Variants in SLC8A3 observed in about 807,000 individuals in gnomAD.
SLC8A3 encodes solute carrier family 8 member A3.
SLC8A3 carries 37 observed loss-of-function variants against 65.4 expected under a neutral mutation model. That is an observed-to-expected ratio of 0.57 (90% CI 0.44 to 0.74). The LOEUF (loss-of-function observed/expected upper bound fraction) is 0.74, where lower values mean the gene tolerates loss of function less well. SLC8A3 is among the 30% of genes least tolerant of loss of function. SLC8A3 has a pLI of 0.00. For synonymous variants in SLC8A3, 461 were observed against 444.5 expected, an observed-to-expected ratio of 1.04 and a Z score of -0.47; for missense variants, 1,112 against 1,172.1, an observed-to-expected ratio of 0.95 and a Z score of 0.75.
In SLC8A3 at chr14:70,167,070, G is replaced by A. The variant is rs771199150; in HGVS notation, c.1353C>T (p.Gly451=). The change falls in exon 2 of 7, where the codon GGC becomes GGT. Residue 451 remains glycine (G), a synonymous_variant. Coordinates refer to ENST00000356921, the MANE Select transcript of SLC8A3 (RefSeq NM_182932.3). ...TCTCTCCTGGCTTCAGAACCACCGT[G>A]CCCTCTGTGAACTCATAGTCAGCCC... ...NAGADYEFTE[G]TVVLKPGETQ... is the part of the protein sequence containing the mutation. 1.2e-6 allele frequency: 2 copies of A among 1,613,918 alleles called. No individual in the cohort carries two copies. Among genetic ancestry groups the A allele is most frequent in the Non-Finnish European group, 1.7e-6 (2 of 1,180,008 alleles).
intron 2 of SLC8A3, among the ~76,000 whole-genome samples, chr14:70,153,312 C>A (rs17107855): frequency 0.013 from 2,007 of 152,266 alleles, 51 homozygotes; most frequent in African/African-American, 0.047. Context: ...GAACCGGGTG[C>A]TGCTCTGGTC....
At chr14:70,063,346 A>G (rs1209447884) in intron 2 of SLC8A3, among the ~76,000 whole-genome samples, 1 of 152,148 alleles carries the variant, frequency 6.6e-6, no homozygotes, top group African/African-American at 2.4e-5. Context: ...TTGATTCTCA[A>G]CTTCCTGGGA....
At chr14:70,124,111 A>G (rs557465730) in intron 2 of SLC8A3, among the ~76,000 whole-genome samples, 1 of 152,212 alleles carries the variant, frequency 6.6e-6, no homozygotes, top group African/African-American at 2.4e-5. Context: ...CCCATTTTAC[A>G]GAAGAGACCA....
intron 2 of SLC8A3, among the ~76,000 whole-genome samples, chr14:70,125,455 C>T (rs1894377932): frequency 6.6e-6 from 1 of 152,150 alleles, no homozygotes; most frequent in Non-Finnish European, 1.5e-5. Flanking sequence ...AGTTGCTTCA[C>T]TTAAGAGAAT....
intron 2 of SLC8A3, among the ~76,000 whole-genome samples, chr14:70,158,715 T>C (rs1896718921): frequency 6.6e-6 from 1 of 152,186 alleles, no homozygotes; most frequent in Non-Finnish European, 1.5e-5. Flanking sequence ...AACTTATATA[T>C]ATACACATAT....
rs74062819 is a variant in SLC8A3, at chr14:70,160,604, A to G, written c.1784+6035T>C. Among the ~76,000 whole-genome samples the G allele has an allele frequency of 9.4e-3, 1,430 of 152,192 alleles. 19 individuals carry two copies. Among genetic ancestry groups the G allele is most frequent in the African/African-American group, 0.032 (1,312 of 41,508 alleles). On this transcript the variant is annotated intron_variant, in intron 2 of 6. Transcript: ENST00000356921. Reference sequence around the variant, plus strand: ...AATTATTATTCTGGAGAGCAAACCAATGTGAGCAGACCAGGGCAGGGGCAC... The same window carrying G: ...AATTATTATTCTGGAGAGCAAACCAGTGTGAGCAGACCAGGGCAGGGGCAC...
At chr14:70,187,498 G>A (rs1883376905) in intron 1 of SLC8A3, among the ~76,000 whole-genome samples, 2 of 151,978 alleles carry the variant, frequency 1.3e-5, no homozygotes, top group Admixed American at 6.5e-5. Context: ...TTTCCCCGGA[G>A]CAAATTGCTT....
rs190930502 is a variant in SLC8A3 at position 70,051,887 on chromosome 14, A to T, written c.2013+103T>A. ...GTGGGTAAGTGATTTGTTCAGTTTCAACTTCACATATTCACTAGTGAAAGT... is the reference window on the plus strand; with the variant it reads ...GTGGGTAAGTGATTTGTTCAGTTTCTACTTCACATATTCACTAGTGAAAGT... On this transcript the variant is annotated intron_variant, in intron 4 of 6. Transcript: ENST00000356921. 3.8e-5 allele frequency: 36 copies of T among 950,080 alleles called. 1 individual carries two copies. The East Asian group carries it at 9.5e-4, about 25-fold the overall frequency. 58.9% of individuals were successfully genotyped at this position (950,080 alleles called of 1,614,324 possible).
At chr14:70,080,925 G>A (rs948001371) in intron 2 of SLC8A3, among the ~76,000 whole-genome samples, 16 of 152,170 alleles carry the variant, frequency 1.1e-4, no homozygotes, top group Non-Finnish European at 2.4e-4. Flanking sequence ...GACATAGATA[G>A]GTTGGCAACT....
At chr14:70,184,117 C>A (rs61978212) in intron 1 of SLC8A3, among the ~76,000 whole-genome samples, 31,248 of 152,044 alleles carry the variant, frequency 0.21, 3,353 homozygotes, top group Middle Eastern at 0.3. Flanking sequence ...GCGACATTGG[C>A]CCCAAATAGT....
intron 2 of SLC8A3, among the ~76,000 whole-genome samples, chr14:70,067,643 A>T (rs1889583725): frequency 6.6e-6 from 1 of 152,246 alleles, no homozygotes; most frequent in African/African-American, 2.4e-5. Context: ...CATTAGAGAC[A>T]AAAATATTTT....
intron 2 of SLC8A3, among the ~76,000 whole-genome samples, chr14:70,092,591 C>T (rs1891878954): frequency 6.6e-6 from 1 of 152,186 alleles, no homozygotes; most frequent in African/African-American, 2.4e-5. Flanking sequence ...ATGGGAGTGG[C>T]TATCTTTTTA....
At chr14:70,182,835 G>A (rs141906750) in intron 1 of SLC8A3, among the ~76,000 whole-genome samples, 1 of 152,298 alleles carries the variant, frequency 6.6e-6, no homozygotes, top group East Asian at 1.9e-4. Context: ...GAAGAAGAAA[G>A]ACACTTCAGA....
intron 2 of SLC8A3, among the ~76,000 whole-genome samples, chr14:70,138,598 G>C (rs767394988): frequency 1.6e-4 from 25 of 152,206 alleles, no homozygotes; most frequent in Non-Finnish European, 3.2e-4. Context: ...TGGACTCAGA[G>C]CTTTGCTGAC....
At chr14:70,085,160 G>A (rs1891338483) in intron 2 of SLC8A3, among the ~76,000 whole-genome samples, 1 of 152,092 alleles carries the variant, frequency 6.6e-6, no homozygotes, top group African/African-American at 2.4e-5. Context: ...AATCCATCAA[G>A]GCCAAATTCA....
rs577753030 is a variant in SLC8A3, at chr14:70,055,390, A to AT, written c.1889-3277dup. Among the ~76,000 whole-genome samples, 591 of 151,356 alleles carry AT rather than the reference A, an allele frequency of 3.9e-3. 7 individuals are homozygous for AT. Among genetic ancestry groups the AT allele is most frequent in the African/African-American group, 0.013 (549 of 41,220 alleles). ...TTCCTGGATCCCTTGGGATTAAAGT[A>AT]TTTTTTTTTCAAATCCTGTCACAAT... On this transcript the variant is annotated intron_variant, in intron 3 of 6. Transcript: ENST00000356921.
chr14:70,147,628 T>C (rs1002802554), intron 2 of SLC8A3, among the ~76,000 whole-genome samples: 1 of 152,162 alleles, frequency 6.6e-6, no homozygotes, highest in Non-Finnish European at 1.5e-5. Flanking sequence ...GTGAACCCTT[T>C]AAAAGATGTG....
chr14:70,125,118 C>G (rs1351977152), intron 2 of SLC8A3, among the ~76,000 whole-genome samples: 2 of 152,160 alleles, frequency 1.3e-5, no homozygotes, highest in Admixed American at 1.3e-4. Context: ...TAAAATAAAG[C>G]TGGGGACCCA....
chr14:70,149,317 A>C (rs528942506), intron 2 of SLC8A3, among the ~76,000 whole-genome samples: 5 of 152,260 alleles, frequency 3.3e-5, no homozygotes, highest in African/African-American at 1.2e-4. Flanking sequence ...TAGTTACTGA[A>C]CTTCCTCTTC....
Sources: gnomAD v4.1 joint callset for allele counts (sites outside exome capture counted in the v4.1 genomes callset) on GRCh38, gnomAD v4.1.1 for gene constraint, MANE v1.5 for transcripts, NCBI Gene and HGNC (gene_info 2026-07-23, HGNC 2026-07-21) for gene names.